WDR37: variants seen among roughly 807,000 people sequenced by gnomAD.
WDR37 encodes the protein WD repeat domain 37, also known as WD repeat-containing protein 37.
WDR37 carries 19 observed loss-of-function variants against 62.9 expected under a neutral mutation model. That is an observed-to-expected ratio of 0.30 (90% confidence interval 0.21 to 0.44). WDR37 has a LOEUF of 0.44. Among genes scored for constraint, WDR37 ranks in the 20% least tolerant of loss-of-function variants. The pLI is 1.00. For missense variants in WDR37, 474 were observed against 657.6 expected (o/e 0.72, Z 3.05); for synonymous variants, 250 against 260.9 (o/e 0.96, Z 0.40).
In WDR37 at chr10:1,105,575, C is replaced by T. The variant is rs1165415953; in HGVS notation, c.1103+308C>T. ...GGCTGCCAGAGCCTGTAGCTGAGCA[C>T]AGGGGCCGGCCACGCCACCATAGGA... is the stretch of plus-strand genomic sequence containing the variant. On this transcript the variant is annotated intron_variant, in intron 11 of 13. Transcript: ENST00000263150. This position sits in a 1 kb window ranked among gnomAD's most constrained non-coding sequence, Gnocchi z 5.3. 6.6e-6 allele frequency among the ~76,000 whole-genome samples: 1 copy of T among 152,134 alleles called. No homozygotes were observed. The highest frequency in any genetic ancestry group is 1.5e-5 in the Non-Finnish European group (1 of 68,000).
At chr10:1,108,738 TGC>T (rs1491454195) in intron 11 of WDR37, among the ~76,000 whole-genome samples, 2 of 59,724 alleles carry the variant, frequency 3.3e-5, no homozygotes, top group Non-Finnish European at 3.7e-5. Flanking sequence ...GCTTCTGTGA[TGC>T]CCCCCCCCCC....
At chr10:1,072,437 A>T (rs1157073814) in intron 2 of WDR37, 144 bp downstream of exon 2, 22 of 1,148,142 alleles carry the variant, frequency 1.9e-5, no homozygotes, top group Non-Finnish European at 2.6e-5. Flanking sequence ...GCCTCAGCCT[A>T]CTGAGTAGCT....
chr10:1,080,219 T>C (rs1833987796), intron 4 of WDR37, 113 bp downstream of exon 4: 5 of 1,319,386 alleles, frequency 3.8e-6, no homozygotes, highest in Non-Finnish European at 5.4e-6. Flanking sequence ...CCTCGAACTA[T>C]CTAATTCAGG....
Position 1,113,950 on chromosome 10 carries a change from C to CTT in WDR37, c.1103+8705_1103+8706dup, listed in dbSNP as rs56654628. On this transcript the variant is annotated intron_variant, in intron 11 of 13. Coordinates refer to ENST00000263150, the MANE Select transcript of WDR37 (RefSeq NM_014023.4). ...TGAGGTTCAATTGTGGGTAAAATGC[C>CTT]TTTTTTTTTTTTTTTTTTTTTTTAA... Among the ~76,000 whole-genome samples the CTT allele has an allele frequency of 6.2e-3, 474 of 76,176 alleles. 54 individuals are homozygous for CTT. Among genetic ancestry groups the CTT allele is most frequent in the East Asian group, 0.021 (43 of 2,078 alleles). The allele number at this position is 76,176 out of a possible 152,430, so 50.0% of individuals were successfully genotyped here. A position where few individuals can be genotyped will look rare whatever the true frequency, so the allele number is the denominator to read the frequency against.
chr10:1,077,970 G>T lies in WDR37; in HGVS notation c.202G>T (p.Glu68Ter). The change falls in exon 3 of 14, where the codon GAA becomes TAA. Residue 68 changes from glutamate (E) to a stop codon, truncating the protein, a stop_gained. Coordinates refer to ENST00000263150, the MANE Select transcript of WDR37 (RefSeq NM_014023.4). LOFTEE classifies it high-confidence loss of function. Reference sequence around the variant, plus strand: ...GGAACTGTTTGGTCAAATAGAAAGAGAATTTGAAAACCTTTATATCGAAAA... The same window carrying T: ...GGAACTGTTTGGTCAAATAGAAAGATAATTTGAAAACCTTTATATCGAAAA... Reference protein sequence around the residue: ...LLELFGQIEREFENLYIENLE... With the variant: ...LLELFGQIER 6.2e-7 allele frequency: 1 copy of T among 1,611,244 alleles called. No homozygotes were observed. The highest frequency in any genetic ancestry group is 8.5e-7 in the Non-Finnish European group (1 of 1,178,522).
At chr10:1,093,324 G>A in intron 7 of WDR37, 128 bp from the exon 8 acceptor site, 1 of 720,786 alleles carries the variant, frequency 1.4e-6, no homozygotes, top group South Asian at 1.7e-5. Flanking sequence ...ACTTAACTGA[G>A]TGGAGGATCA....
In WDR37 at chr10:1,089,101, C is replaced by G. The variant is rs757973632; in HGVS notation, c.604+2744C>G. On this transcript the variant is annotated intron_variant, in intron 7 of 13. Transcript: ENST00000263150. ...GTTGTCCTTCAAGGGTGTGTCTTCA[C>G]AGGCCCTGAGCTTTAGTTTCATCTG... Among the ~76,000 whole-genome samples the G allele has an allele frequency of 3.3e-4, 50 of 152,234 alleles. 1 individual carries two copies. Among genetic ancestry groups the G allele is most frequent in the Non-Finnish European group, 6.0e-4 (41 of 68,022 alleles).
At chr10:1,066,271 A>G (rs1360615465) in intron 1 of WDR37, among the ~76,000 whole-genome samples, 2 of 152,106 alleles carry the variant, frequency 1.3e-5, no homozygotes, top group Admixed American at 6.6e-5. Flanking sequence ...GCCTGCCACC[A>G]CGCCCTGCTA....
chr10:1,064,583 C>CTTTTTTTTTTTTTTTTTTTTT (rs71376884), intron 1 of WDR37, among the ~76,000 whole-genome samples: 1 of 70,464 alleles, frequency 1.4e-5, no homozygotes, highest in African/African-American at 6.0e-5. Context: ...GACAATGGAT[C>CTTTTTTTTTTTTTTTTTTTTT]TTTTTTTTTT....
intron 7 of WDR37, among the ~76,000 whole-genome samples, chr10:1,090,276 G>T (rs1219854198): frequency 1.3e-5 from 2 of 151,042 alleles, no homozygotes; most frequent in Non-Finnish European, 3.0e-5. Context: ...CTCCTGCTTC[G>T]GCCTCCCGAG....
At position 1,103,505 on chromosome 10, in the gene WDR37, A is replaced by G. The variant is rs1417821226; in HGVS notation, c.727-97A>G. 4.6e-6 allele frequency: 6 copies of G among 1,300,608 alleles called. No homozygotes were observed. The highest frequency in any genetic ancestry group is 6.4e-6 in the Non-Finnish European group (6 of 937,162). The allele number at this position is 1,300,608 out of a possible 1,614,324, so 80.6% of individuals were successfully genotyped here. ...GACCATCATGATGGATATGTCCTCA[A>G]GAGATTAATGAGAACCATCTATTTT... is the stretch of plus-strand genomic sequence containing the variant. On this transcript the variant is annotated intron_variant, in intron 9 of 13. Transcript: ENST00000263150. The surrounding 1 kb of genome is among the most constrained non-coding windows in gnomAD (Gnocchi z 6.3).
chr10:1,125,088 C>T, intron 13 of WDR37, 64 bp downstream of exon 13: 1 of 1,570,012 alleles, frequency 6.4e-7, no homozygotes, highest in Non-Finnish European at 8.7e-7. Context: ...AGATATTTTA[C>T]ATTCTCATTT....
At chr10:1,099,848 A>G (rs1299977585) in intron 9 of WDR37, among the ~76,000 whole-genome samples, 1 of 151,114 alleles carries the variant, frequency 6.6e-6, no homozygotes, top group Non-Finnish European at 1.5e-5. Flanking sequence ...GAGGAGGGTG[A>G]GCATTGATGC....
intron 11 of WDR37, among the ~76,000 whole-genome samples, chr10:1,108,966 C>T (rs985859644): frequency 6.6e-6 from 1 of 152,200 alleles, no homozygotes; most frequent in Admixed American, 6.5e-5. Flanking sequence ...CAGGGATAGG[C>T]CAGTGTGCCC....
intron 1 of WDR37, among the ~76,000 whole-genome samples, chr10:1,060,357 T>G (rs548267538): frequency 1.4e-4 from 22 of 152,304 alleles, no homozygotes; most frequent in African/African-American, 4.8e-4. Flanking sequence ...ACAGACTAAA[T>G]GAGTCAGGAG....
intron 9 of WDR37, among the ~76,000 whole-genome samples, chr10:1,102,156 T>C (rs1834836384): frequency 6.7e-6 from 1 of 149,808 alleles, no homozygotes; most frequent in South Asian, 2.1e-4. Context: ...CTTGCTGTTG[T>C]GCGTCCCTGT....
chr10:1,126,984 C>T (rs1020855410), intron 13 of WDR37, among the ~76,000 whole-genome samples: 1 of 152,146 alleles, frequency 6.6e-6, no homozygotes, highest in African/African-American at 2.4e-5. Flanking sequence ...ATTGCTTGTC[C>T]TGGGGAAGCT....
In WDR37 at chr10:1,084,865, G is replaced by A. The variant is rs186458981; in HGVS notation, c.532+327G>A. ...TTTTCCAGGTCCCCGTGGGTAGGGCGTTGCAACTCACAGTGAACCAAGTAT... is the reference window on the plus strand; with the variant it reads ...TTTTCCAGGTCCCCGTGGGTAGGGCATTGCAACTCACAGTGAACCAAGTAT... On this transcript the variant is annotated intron_variant, in intron 6 of 13. Transcript: ENST00000263150. Among the ~76,000 whole-genome samples the A allele has an allele frequency of 3.3e-5, 5 of 152,366 alleles. No homozygotes were observed. The East Asian group carries it at 7.7e-4, about 23-fold the overall frequency.
chr10:1,087,270 A>G (rs536303990), intron 7 of WDR37, among the ~76,000 whole-genome samples: 122 of 152,336 alleles, frequency 8.0e-4, no homozygotes, highest in African/African-American at 2.8e-3. Flanking sequence ...GGCATCCCAC[A>G]GACTGGCTGG....
Sources: allele counts gnomAD v4.1 joint callset (sites outside exome capture counted in the v4.1 genomes callset), GRCh38; gene constraint gnomAD v4.1.1; non-coding constraint Gnocchi (gnomAD v3.1); transcripts MANE v1.5; gene names NCBI Gene and HGNC (gene_info 2026-07-23, HGNC 2026-07-21).